The following ZNF318 variants were observed in gnomAD, a reference collection of about 807,000 sequenced individuals.
The protein encoded by ZNF318 is endocrine regulator.
ZNF318 carries 51 observed loss-of-function variants against 124.2 expected under a neutral mutation model. The ratio of observed to expected loss-of-function variants is 0.41; its 90% CI spans 0.33 to 0.52. The LOEUF (loss-of-function observed/expected upper bound fraction) is 0.52. Ranked by LOEUF, ZNF318 falls within the 20% of genes least tolerant of loss-of-function variation. The pLI, the probability that ZNF318 is intolerant of heterozygous loss-of-function variation, is 0.23. For synonymous variants in ZNF318, 1,090 were observed against 1,040.7 expected (o/e 1.05, Z -0.91); for missense variants, 2,815 against 2,811.2 (o/e 1.00, Z -0.03).
chr6:43,344,800 A>C (rs1185871772), intron 6 of ZNF318, among the ~76,000 whole-genome samples: 1 of 152,184 alleles, frequency 6.6e-6, no homozygotes, highest in Non-Finnish European at 1.5e-5. Context: ...TGATGGACAG[A>C]ATTAATACTT....
chr6:43,359,239 A>T (rs2150756003), intron 2 of ZNF318, among the ~76,000 whole-genome samples: 1 of 152,284 alleles, frequency 6.6e-6, no homozygotes, highest in South Asian at 2.1e-4. Flanking sequence ...TTGGGCTTAG[A>T]AAAGAGAAAG....
rs570244168 is a variant in ZNF318, at chr6:43,369,580, C to G, written c.-215G>C. 0.011 allele frequency: 1,678 copies of G among 157,180 alleles called. 18 individuals carry two copies. Among genetic ancestry groups the G allele is most frequent in the Middle Eastern group, 0.02 (6 of 294 alleles). The allele number at this position is 157,180 out of a possible 1,614,324, so 9.7% of individuals were successfully genotyped here. A position where few individuals can be genotyped will look rare whatever the true frequency, so the allele number is the denominator to read the frequency against. ...GCGGTTGGAGGGCGCGAGCACGCGTCCGACACACCCCCCCCCGCCTCCGGG... is the reference window on the plus strand; with the variant it reads ...GCGGTTGGAGGGCGCGAGCACGCGTGCGACACACCCCCCCCCGCCTCCGGG... On this transcript the variant is annotated 5_prime_UTR_variant, in exon 1 of 10. Coordinates refer to ENST00000361428, the MANE Select transcript of ZNF318 (RefSeq NM_014345.3).
chr6:43,354,494 CAT>C (rs762564368), intron 4 of ZNF318, among the ~76,000 whole-genome samples, 168 bp downstream of exon 4: 14 of 152,162 alleles, frequency 9.2e-5, no homozygotes, highest in South Asian at 4.1e-4. Context: ...AATGATAAAA[CAT>C]GTGTGAAAAA....
chr6:43,349,108 A>C (rs1167090098), intron 5 of ZNF318, among the ~76,000 whole-genome samples: 3 of 152,198 alleles, frequency 2.0e-5, no homozygotes, highest in Non-Finnish European at 4.4e-5. Flanking sequence ...AGCTTCTATG[A>C]AGGTAAAGAA....
chr6:43,357,567 T>A lies in ZNF318; in HGVS notation c.747A>T (p.Gly249=), dbSNP rs1389458832. The A allele has an allele frequency of 1.2e-6, 2 of 1,614,032 alleles. No individual in the cohort carries two copies. The highest frequency in any genetic ancestry group is 2.7e-5 in the African/African-American group (2 of 74,970). Residue 249 remains glycine (G), a synonymous_variant, in exon 3 of 10, where the codon GGA becomes GGT. Coordinates refer to ENST00000361428, the MANE Select transcript of ZNF318 (RefSeq NM_014345.3). ...TGAGTTTTTCTCGATTCCGTTCTGTTCCCCGCAACAGCTCATCATGACAAC... is the reference window on the plus strand; with the variant it reads ...TGAGTTTTTCTCGATTCCGTTCTGTACCCCGCAACAGCTCATCATGACAAC... ...HISCHDELLR[G]TERNREKLKG...
intron 2 of ZNF318, chr6:43,364,278 C>T: frequency 6.3e-6 from 3 of 474,690 alleles, no homozygotes; most frequent in East Asian, 7.0e-5. Context: ...TAGGCTCCAG[C>T]TGTGGCTACA....
chr6:43,341,953 G>A (rs974242832), intron 8 of ZNF318, among the ~76,000 whole-genome samples, 159 bp downstream of exon 8: 1 of 152,158 alleles, frequency 6.6e-6, no homozygotes, highest in Non-Finnish European at 1.5e-5. Context: ...TATAGCTTCA[G>A]GACCTAGTAC....
Position 43,369,294 on chromosome 6 carries a change from G to T in ZNF318, c.72C>A (p.Arg24=). The change falls in exon 1 of 10, where the codon CGC becomes CGA. Residue 24 remains arginine (R), a synonymous_variant. Coordinates refer to ENST00000361428, the MANE Select transcript of ZNF318 (RefSeq NM_014345.3). The part of the protein sequence containing the change: ...RPKDDGGGGP[R]SGRSSGSSSG... Reference sequence around the variant, plus strand: ...AGGAGGAGCCAGAGCTGCGGCCGCTGCGCGGGCCGCCCCCGCCGTCGTCTT... The same window carrying T: ...AGGAGGAGCCAGAGCTGCGGCCGCTTCGCGGGCCGCCCCCGCCGTCGTCTT... 1 of 1,340,790 alleles carries T rather than the reference G, an allele frequency of 7.5e-7. No individual in the cohort carries two copies. The highest frequency in any genetic ancestry group is 1.6e-5 in the South Asian group (1 of 62,580). 83.1% of individuals were successfully genotyped at this position (1,340,790 alleles called of 1,614,324 possible).
Position 43,356,193 on chromosome 6 carries a change from C to G in ZNF318, c.1189-48G>C, listed in dbSNP as rs576127249. On this transcript the variant is annotated intron_variant, in intron 3 of 9. Transcript: ENST00000361428. ...TTTAGTCTTATGCAGAATCTCAGAA[C>G]ATTAGTAATTGAGATAAATACTTAA... The G allele has an allele frequency of 7.5e-5, 116 of 1,546,554 alleles. No homozygotes were observed. The Middle Eastern group carries it at 2.9e-3, about 39-fold the overall frequency.
In ZNF318 at chr6:43,339,190, T is replaced by C. The variant is rs758810828; in HGVS notation, c.4808A>G (p.Asn1603Ser). 6.2e-7 allele frequency: 1 copy of C among 1,614,116 alleles called. No individual in the cohort carries two copies. The highest frequency in any genetic ancestry group is 8.5e-7 in the Non-Finnish European group (1 of 1,180,016). Residue 1603 changes from asparagine to serine, a missense_variant, in exon 10 of 10, where the codon AAC (asparagine) becomes AGC (serine). Coordinates refer to ENST00000361428, the MANE Select transcript of ZNF318 (RefSeq NM_014345.3). This position sits in a 1 kb window ranked among gnomAD's most constrained non-coding sequence, Gnocchi z 4.2. The stretch of plus-strand genomic sequence containing the variant: ...GTCTGAACTTTTGGTTCTAGAGAGG[T>C]TGCTATTTTCCCCATTGGCCAATGG... ...GGPLANGENS[N>S]LSRTKSSDTS...
chr6:43,340,809 T>C lies in ZNF318; in HGVS notation c.3476A>G (p.Gln1159Arg), dbSNP rs746487519. Reference sequence around the variant, plus strand: ...ACCAACCTTGTATTTCTCATTGTGTTGGTGACCCTTCACATGTTGCTCCCC... The same window carrying C: ...ACCAACCTTGTATTTCTCATTGTGTCGGTGACCCTTCACATGTTGCTCCCC... ...ISGEQHVKGH[Q>R]HNEKYKKYVD... is the part of the protein sequence containing the mutation. Residue 1159 changes from glutamine to arginine, a missense_variant, in exon 9 of 10, where the codon CAA becomes CGA. Coordinates refer to ENST00000361428, the MANE Select transcript of ZNF318 (RefSeq NM_014345.3). The C allele has an allele frequency of 3.1e-6, 5 of 1,613,830 alleles. No individual in the cohort carries two copies. The highest frequency in any genetic ancestry group is 4.2e-6 in the Non-Finnish European group (5 of 1,179,686).
At chr6:43,341,334 T>C (rs1779371287) in intron 8 of ZNF318, among the ~76,000 whole-genome samples, 1 of 152,142 alleles carries the variant, frequency 6.6e-6, no homozygotes, top group Non-Finnish European at 1.5e-5. Context: ...GTAGCAGCAC[T>C]AGCTACTTGT....
chr6:43,360,554 A>G (rs920597527), intron 2 of ZNF318, among the ~76,000 whole-genome samples: 1 of 152,238 alleles, frequency 6.6e-6, no homozygotes, highest in African/African-American at 2.4e-5. Flanking sequence ...TCACTGTACT[A>G]TTCTACATTT....
chr6:43,343,626 C>G (rs560740552), intron 6 of ZNF318, among the ~76,000 whole-genome samples: 3 of 151,836 alleles, frequency 2.0e-5, no homozygotes, highest in Non-Finnish European at 4.4e-5. Flanking sequence ...GCCAGGAGTT[C>G]GAGACAGGCC....
intron 2 of ZNF318, among the ~76,000 whole-genome samples, chr6:43,361,706 C>G (rs1246231194): frequency 6.6e-6 from 1 of 152,176 alleles, no homozygotes; most frequent in Admixed American, 6.5e-5. Flanking sequence ...TTCACATTAC[C>G]TTTCATGTTC....
chr6:43,358,411 CTAATT>C, intron 2 of ZNF318, among the ~76,000 whole-genome samples: 1 of 67,246 alleles, frequency 1.5e-5, no homozygotes, highest in Non-Finnish European at 3.2e-5. Context: ...TCACACCCGG[CTAATT>C]TTTTTTTTTT....
rs1779815223 is a variant in ZNF318 at position 43,369,625 on chromosome 6, A to C, written c.-260T>G. The C allele has an allele frequency of 6.5e-6, 1 of 152,838 alleles. No homozygotes were observed. The highest frequency in any genetic ancestry group is 1.4e-5 in the Non-Finnish European group (1 of 69,440). 9.5% of individuals were successfully genotyped at this position (152,838 alleles called of 1,614,324 possible). A position where few individuals can be genotyped will look rare whatever the true frequency, so the allele number is the denominator to read the frequency against. On this transcript the variant is annotated 5_prime_UTR_variant, in exon 1 of 10. Transcript: ENST00000361428. ...TCCGGGGTTCCCCGCTCCTCCACTC[A>C]GGGAGCGGCCGCAGGAACCAAGAAA...
chr6:43,359,216 C>T (rs1336357669), intron 2 of ZNF318, among the ~76,000 whole-genome samples: 2 of 152,226 alleles, frequency 1.3e-5, no homozygotes, highest in Admixed American at 6.5e-5. Flanking sequence ...TATCTACAAG[C>T]ACTCTGCTAA....
At chr6:43,365,788 CAA>C (rs912663824) in intron 1 of ZNF318, among the ~76,000 whole-genome samples, 1 of 152,152 alleles carries the variant, frequency 6.6e-6, no homozygotes, top group African/African-American at 2.4e-5. Flanking sequence ...GTCTCAAAAA[CAA>C]AAGACAACCC....
Sources: allele counts gnomAD v4.1 joint callset (sites outside exome capture counted in the v4.1 genomes callset), GRCh38; gene constraint gnomAD v4.1.1; non-coding constraint Gnocchi (gnomAD v3.1); transcripts MANE v1.5; gene names NCBI Gene and HGNC (gene_info 2026-07-23, HGNC 2026-07-21).